EEFSEC: variants seen among roughly 807,000 people sequenced by gnomAD.
EEFSEC encodes eukaryotic elongation factor, selenocysteine-tRNA specific.
In EEFSEC, 43 loss-of-function variants were observed where a neutral mutation model predicts 42.1. That is an observed-to-expected ratio of 1.02 (90% CI 0.80 to 1.32). The LOEUF (loss-of-function observed/expected upper bound fraction) is 1.32, where lower values mean the gene tolerates loss of function less well. Among genes scored for constraint, EEFSEC ranks in the 40% most tolerant of loss-of-function variants. The pLI is 0.00. For missense variants in EEFSEC, 745 were observed against 803.6 expected (o/e 0.93, Z 0.88); for synonymous variants, 354 against 339.1 (o/e 1.04, Z -0.48).
At chr3:128,210,606 C>T (rs1203935343) in intron 1 of EEFSEC, among the ~76,000 whole-genome samples, 1 of 152,190 alleles carries the variant, frequency 6.6e-6, no homozygotes, top group Non-Finnish European at 1.5e-5. Flanking sequence ...AGCCCAGAGT[C>T]AGCAATGTTT....
chr3:128,325,514 G>A (rs111382541), intron 4 of EEFSEC, among the ~76,000 whole-genome samples: 32 of 152,316 alleles, frequency 2.1e-4, no homozygotes, highest in African/African-American at 6.7e-4. Context: ...CAGGCTCTCC[G>A]GGAAGATGTT....
chr3:128,264,129 T>G (rs1001363237), intron 3 of EEFSEC, among the ~76,000 whole-genome samples: 1 of 152,156 alleles, frequency 6.6e-6, no homozygotes, highest in African/African-American at 2.4e-5. Context: ...CTGGTAAAAC[T>G]CTAGGCCTGC....
intron 4 of EEFSEC, among the ~76,000 whole-genome samples, chr3:128,266,856 TCA>T (rs2066359668): frequency 6.6e-6 from 1 of 152,058 alleles, no homozygotes; most frequent in African/African-American, 2.4e-5. Context: ...AAAAGTAGAT[TCA>T]GTTTATATTT....
chr3:128,262,308 A>G, intron 3 of EEFSEC, 84 bp downstream of exon 3: 7 of 1,267,106 alleles, frequency 5.5e-6, no homozygotes, highest in Non-Finnish European at 6.8e-6. Flanking sequence ...CCCCTGAGAG[A>G]GAAAGAGAGG....
At chr3:128,417,496 G>C in the EEFSEC span, among the ~76,000 whole-genome samples, 5 of 151,896 alleles carry the variant, frequency 3.3e-5, no homozygotes, top group Admixed American at 6.6e-5. The surrounding 1 kb of genome is among the most constrained non-coding windows in gnomAD (Gnocchi z 4.3). Context: ...ATTCCCACCC[G>C]CTGTTTCACC....
At chr3:128,160,611 C>A (rs1466293880) in intron 1 of EEFSEC, among the ~76,000 whole-genome samples, 2 of 152,202 alleles carry the variant, frequency 1.3e-5, no homozygotes, top group Non-Finnish European at 2.9e-5. Flanking sequence ...GCACCTGCAC[C>A]TGGCATCCCT....
In EEFSEC at chr3:128,153,580, C is replaced by A; in HGVS notation, c.73C>A (p.Arg25=). 1 of 1,558,246 alleles carries A rather than the reference C, an allele frequency of 6.4e-7. No homozygotes were observed. Among genetic ancestry groups the A allele is most frequent in the Non-Finnish European group, 8.6e-7 (1 of 1,159,684 alleles). The change falls in exon 1 of 7, where the codon CGG becomes AGG. Residue 25 remains arginine (R), a synonymous_variant. Coordinates refer to ENST00000254730, the MANE Select transcript of EEFSEC (RefSeq NM_021937.5). ...HIDSGKTALA[R]ALSTTASTAA... ...CGACAGCGGCAAGACGGCGCTGGCG[C>A]GGGCGCTAAGCACCACAGCCTCCAC... is the stretch of plus-strand genomic sequence containing the variant.
Position 128,262,139 on chromosome 3 carries a change from C to T in EEFSEC, c.536C>T (p.Ala179Val), listed in dbSNP as rs1309419070. Residue 179 changes from alanine to valine, a missense_variant, in exon 3 of 7, where the codon GCA becomes GTA. By Grantham distance (64) the Ala-to-Val change is moderately conservative. Coordinates refer to ENST00000254730, the MANE Select transcript of EEFSEC (RefSeq NM_021937.5). ...ATTTTCCATTTCAGGTTCCGAGGTGCACCGATTATACCCGTGGCGGCCAAG... is the reference window on the plus strand; with the variant it reads ...ATTTTCCATTTCAGGTTCCGAGGTGTACCGATTATACCCGTGGCGGCCAAG... ...KTLENTKFRG[A>V]PIIPVAAKPG... The T allele has an allele frequency of 1.3e-5, 21 of 1,614,012 alleles. No individual in the cohort carries two copies. The highest frequency in any genetic ancestry group is 1.5e-5 in the Non-Finnish European group (18 of 1,180,028).
the EEFSEC span, among the ~76,000 whole-genome samples, chr3:128,418,715 C>G: frequency 6.6e-6 from 1 of 152,118 alleles, no homozygotes; most frequent in African/African-American, 2.4e-5. Flanking sequence ...TGCCCAGCAC[C>G]CCTGTGGCCG....
At chr3:128,212,170 T>TA (rs1216901951) in intron 1 of EEFSEC, among the ~76,000 whole-genome samples, 2 of 152,232 alleles carry the variant, frequency 1.3e-5, no homozygotes, top group African/African-American at 4.8e-5. Flanking sequence ...CAGAAATACA[T>TA]ACACTTCTTA....
At chr3:128,236,947 T>A (rs1477210678) in intron 1 of EEFSEC, among the ~76,000 whole-genome samples, 1 of 152,258 alleles carries the variant, frequency 6.6e-6, no homozygotes, top group Non-Finnish European at 1.5e-5. Flanking sequence ...TACTGGACTG[T>A]GAGTTCTCGA....
chr3:128,351,715 G>A (rs575569485), intron 5 of EEFSEC, among the ~76,000 whole-genome samples: 13 of 152,336 alleles, frequency 8.5e-5, no homozygotes, highest in African/African-American at 3.1e-4. Flanking sequence ...CCAAGTCCTT[G>A]CTCAAAGGCC....
At chr3:128,304,636 A>G (rs1378761993) in intron 4 of EEFSEC, among the ~76,000 whole-genome samples, 3 of 151,670 alleles carry the variant, frequency 2.0e-5, no homozygotes, top group Non-Finnish European at 4.4e-5. Context: ...TTATTTGCTT[A>G]TCTTATTACA....
chr3:128,211,945 C>T (rs968753136), intron 1 of EEFSEC, among the ~76,000 whole-genome samples: 4 of 146,480 alleles, frequency 2.7e-5, no homozygotes, highest in Non-Finnish European at 6.0e-5. Context: ...CTGTAAGCTC[C>T]GCCTCCCGGG....
chr3:128,174,317 G>GTACT (rs2107780720), intron 1 of EEFSEC, among the ~76,000 whole-genome samples: 1 of 152,356 alleles, frequency 6.6e-6, no homozygotes, highest in African/African-American at 2.4e-5. Context: ...GAATCCCAGT[G>GTACT]TACTAGGTGG....
chr3:128,180,220 A>G (rs1169170741), intron 1 of EEFSEC, among the ~76,000 whole-genome samples: 2 of 152,230 alleles, frequency 1.3e-5, no homozygotes, highest in Non-Finnish European at 2.9e-5. Flanking sequence ...CAGATCGAGT[A>G]CTTAAGACAA....
intron 2 of EEFSEC, among the ~76,000 whole-genome samples, chr3:128,255,934 CTCT>C (rs1559888922): frequency 2.0e-5 from 3 of 152,136 alleles, no homozygotes; most frequent in East Asian, 3.9e-4. Flanking sequence ...CTTCAGGTGC[CTCT>C]TCTTGGGCTG....
chr3:128,383,763 T>C (rs1384358639), intron 6 of EEFSEC, among the ~76,000 whole-genome samples: 1 of 152,194 alleles, frequency 6.6e-6, no homozygotes, highest in African/African-American at 2.4e-5. Context: ...GGGCTCAGAC[T>C]CAGATACAGA....
intron 1 of EEFSEC, among the ~76,000 whole-genome samples, chr3:128,220,836 T>C (rs1335558878): frequency 1.3e-5 from 2 of 152,244 alleles, no homozygotes; most frequent in Non-Finnish European, 2.9e-5. Flanking sequence ...CTGCCAGTTC[T>C]TATGCTATCC....
Sources: allele counts gnomAD v4.1 joint callset (sites outside exome capture counted in the v4.1 genomes callset), GRCh38; gene constraint gnomAD v4.1.1; non-coding constraint Gnocchi (gnomAD v3.1); transcripts MANE v1.5; gene names NCBI Gene and HGNC (gene_info 2026-07-23, HGNC 2026-07-21).